The following KDM2B variants were observed in gnomAD, a reference collection of about 807,000 sequenced individuals.
KDM2B encodes lysine demethylase 2B.
Under a neutral mutation model 150.0 loss-of-function variants are expected in KDM2B, and 26 were observed. The observed-to-expected ratio is 0.17, with a 90% CI of 0.13 to 0.24. The LOEUF is 0.24. Among genes scored for constraint, KDM2B ranks in the 10% least tolerant of loss-of-function variants. The pLI is 1.00. For missense variants in KDM2B, 1,265 were observed against 1,816.9 expected (o/e 0.70, Z 5.52); for synonymous variants, 734 against 729.5 (o/e 1.01, Z -0.10).
chr12:121,555,178 A>G (rs889514174), intron 4 of KDM2B, among the ~76,000 whole-genome samples: 33 of 152,208 alleles, frequency 2.2e-4, no homozygotes, highest in African/African-American at 7.2e-5. Flanking sequence ...ATCTTAAAAA[A>G]TAAAAAATTT....
intron 4 of KDM2B, among the ~76,000 whole-genome samples, chr12:121,573,400 G>A (rs1463183681): frequency 7.3e-5 from 11 of 150,278 alleles, no homozygotes; most frequent in South Asian, 2.1e-4. Flanking sequence ...CTCTCACCTC[G>A]GCCTCCAGAG....
At chr12:121,540,351 G>A (rs1255430326) in intron 6 of KDM2B, among the ~76,000 whole-genome samples, 1 of 152,134 alleles carries the variant, frequency 6.6e-6, no homozygotes, top group African/African-American at 2.4e-5. Context: ...CATTTATAAT[G>A]CCAGCAAACA....
intron 9 of KDM2B, among the ~76,000 whole-genome samples, chr12:121,517,340 G>A (rs1437562174): frequency 6.6e-6 from 1 of 152,180 alleles, no homozygotes; most frequent in Non-Finnish European, 1.5e-5. Context: ...ATTGCAGGAT[G>A]GGGTCACCTA....
rs537381363 is a variant in KDM2B at position 121,483,559 on chromosome 12, C to T, written c.1734+11020G>A. Among the ~76,000 whole-genome samples, 9 of 151,696 alleles carry T rather than the reference C, an allele frequency of 5.9e-5. No individual in the cohort carries two copies. In the South Asian group the frequency reaches 1.3e-3, roughly 21 times the overall value. ...GGGCATGGTAGTGTGTATCTGTAGT[C>T]CCAGGTACCTGGGAGGTTGACATGT... On this transcript the variant is annotated intron_variant, in intron 12 of 22. Coordinates refer to ENST00000377071, the MANE Select transcript of KDM2B (RefSeq NM_032590.5).
downstream of KDM2B, among the ~76,000 whole-genome samples, chr12:121,426,955 G>T (rs927342547): frequency 1.3e-5 from 2 of 152,040 alleles, no homozygotes; most frequent in African/African-American, 4.8e-5. Flanking sequence ...TTTTAAATAG[G>T]TCATGTCATA....
intron 6 of KDM2B, 80 bp downstream of exon 6, chr12:121,548,797 G>C: frequency 9.7e-7 from 1 of 1,031,742 alleles, no homozygotes; most frequent in South Asian, 1.3e-5. Flanking sequence ...TGATGGCCAG[G>C]AGCCTCCTTC....
At chr12:121,555,949 C>T (rs1484200507) in intron 4 of KDM2B, among the ~76,000 whole-genome samples, 5 of 150,788 alleles carry the variant, frequency 3.3e-5, no homozygotes, top group East Asian at 1.9e-4. Context: ...TTTTTTGAGA[C>T]GGAGTCTCAC....
intron 12 of KDM2B, among the ~76,000 whole-genome samples, chr12:121,459,295 C>T (rs10849889): frequency 0.32 from 48,427 of 151,970 alleles, 9,238 homozygotes; most frequent in East Asian, 0.42. Flanking sequence ...GTCTTTTCAA[C>T]GTATGGTGCT....
chr12:121,446,323 G>A (rs537569345), intron 13 of KDM2B, among the ~76,000 whole-genome samples: 45 of 152,288 alleles, frequency 3.0e-4, no homozygotes, highest in African/African-American at 9.4e-4. Context: ...GCGTGAACCC[G>A]GAAGACAGAG....
At chr12:121,420,515 G>A in the KDM2B span, 3 of 1,590,262 alleles carry the variant, frequency 1.9e-6, no homozygotes, top group Middle Eastern at 1.7e-4. Flanking sequence ...CCAGTGATGA[G>A]TTTAGAGTGG....
chr12:121,559,975 G>T (rs75140009), intron 4 of KDM2B, among the ~76,000 whole-genome samples: 1 of 151,888 alleles, frequency 6.6e-6, no homozygotes, highest in Non-Finnish European at 1.5e-5. Flanking sequence ...ATTGAAAATG[G>T]GTATTTAATA....
chr12:121,421,287 A>G, the KDM2B span, among the ~76,000 whole-genome samples: 1 of 143,674 alleles, frequency 7.0e-6, no homozygotes, highest in African/African-American at 2.6e-5. Context: ...CTGTAATTCT[A>G]GGACTTTGGG....
At chr12:121,410,706 A>T in the KDM2B span, among the ~76,000 whole-genome samples, 1 of 152,100 alleles carries the variant, frequency 6.6e-6, no homozygotes, top group African/African-American at 2.4e-5. Context: ...CTTCAATATG[A>T]TGCTAAGGTT....
intron 6 of KDM2B, among the ~76,000 whole-genome samples, chr12:121,547,814 T>C (rs1318346026): frequency 6.6e-6 from 1 of 151,956 alleles, no homozygotes; most frequent in African/African-American, 2.4e-5. Context: ...GGTCAATTTT[T>C]GTATTTTTCG....
At position 121,429,313 on chromosome 12, in the gene KDM2B, A is replaced by C. The variant is rs1325813002; in HGVS notation, c.*975T>G. 1.3e-5 allele frequency: 2 copies of C among 152,680 alleles called. No homozygotes were observed. The highest frequency in any genetic ancestry group is 4.8e-5 in the African/African-American group (2 of 41,458). 9.5% of individuals were successfully genotyped at this position (152,680 alleles called of 1,614,324 possible). A position where few individuals can be genotyped will look rare whatever the true frequency, so the allele number is the denominator to read the frequency against. ...TACAACTAGGAAATAGCCATGTTAC[A>C]AACCTAAATGAGAACTCAACTCACA... On this transcript the variant is annotated 3_prime_UTR_variant, in exon 23 of 23. Coordinates refer to ENST00000377071, the MANE Select transcript of KDM2B (RefSeq NM_032590.5).
chr12:121,423,593 C>T, the KDM2B span: 5 of 1,605,336 alleles, frequency 3.1e-6, no homozygotes, highest in Non-Finnish European at 4.3e-6. The surrounding 1 kb of genome is among the most constrained non-coding windows in gnomAD (Gnocchi z 4.3). Flanking sequence ...CTCCCCTCAC[C>T]AGGACAGTCA....
In KDM2B at chr12:121,445,204, C is replaced by T; in HGVS notation, c.2103+71G>A. On this transcript the variant is annotated intron_variant, in intron 14 of 22. Transcript: ENST00000377071. ...CACTGCACGACCTGCATCCCACCAT[C>T]TCACCAGCATCTCCAGCAACCCTAC... 1.4e-5 allele frequency: 21 copies of T among 1,550,266 alleles called. No homozygotes were observed. In the South Asian group the frequency reaches 2.5e-4, roughly 19 times the overall value.
At chr12:121,556,087 T>C (rs1889871403) in intron 4 of KDM2B, among the ~76,000 whole-genome samples, 1 of 151,754 alleles carries the variant, frequency 6.6e-6, no homozygotes, top group African/African-American at 2.4e-5. Context: ...CCACCACGCC[T>C]GGCTAATTTT....
At chr12:121,441,788 C>T (rs979772901) in intron 19 of KDM2B, among the ~76,000 whole-genome samples, 1 of 152,172 alleles carries the variant, frequency 6.6e-6, no homozygotes, top group Non-Finnish European at 1.5e-5. Context: ...CAAACAACCC[C>T]CATGAAGCTG....
Sources: gnomAD v4.1 joint callset for allele counts (sites outside exome capture counted in the v4.1 genomes callset) on GRCh38, gnomAD v4.1.1 for gene constraint, Gnocchi (gnomAD v3.1) non-coding constraint, MANE v1.5 for transcripts, NCBI Gene and HGNC (gene_info 2026-07-23, HGNC 2026-07-21) for gene names.